The following HELZ variants were observed in gnomAD, a reference collection of about 807,000 sequenced individuals.
HELZ encodes the protein ATP-dependent RNA helicase with zinc finger domain.
HELZ carries 23 observed loss-of-function variants against 218.2 expected under a neutral mutation model. The ratio of observed to expected loss-of-function variants is 0.11; its 90% CI spans 0.08 to 0.15. The LOEUF is 0.15. Among genes scored for constraint, HELZ ranks in the 10% least tolerant of loss-of-function variants. The probability of loss-of-function intolerance (pLI) is 1.00; values close to 1 mark genes in which losing one functional copy is unlikely to be tolerated. For synonymous variants in HELZ, 814 were observed against 829.4 expected (o/e 0.98, Z 0.32); for missense variants, 1,813 against 2,353.7 (o/e 0.77, Z 4.75).
intron 32 of HELZ, among the ~76,000 whole-genome samples, 188 bp downstream of exon 32, chr17:67,086,641 T>TAA (rs1567787963): frequency 1.1e-5 from 1 of 92,686 alleles, no homozygotes; most frequent in Non-Finnish European, 2.4e-5. Flanking sequence ...AATATATATA[T>TAA]ATATATATAT....
rs142375994 is a variant in HELZ, at chr17:67,176,227, G to A, written c.1430+2432C>T. On this transcript the variant is annotated intron_variant, in intron 13 of 32. Transcript: ENST00000358691. ...CATTTTTATACACAAATACATACAC[G>A]TATGTGTATAGGCATCTATAAAAAA... is the stretch of plus-strand genomic sequence containing the variant. 243 of 152,210 alleles carry A rather than the reference G, an allele frequency of 1.6e-3. 1 individual carries two copies. The highest frequency in any genetic ancestry group is 5.6e-3 in the African/African-American group (234 of 41,534). The allele number at this position is 152,210 out of a possible 1,614,324, so 9.4% of individuals were successfully genotyped here.
At chr17:67,128,146 G>A (rs1039743129) in intron 24 of HELZ, among the ~76,000 whole-genome samples, 6 of 152,066 alleles carry the variant, frequency 3.9e-5, no homozygotes, top group Non-Finnish European at 7.4e-5. Flanking sequence ...AAAAATATGT[G>A]TCAAAATCAA....
At chr17:67,203,172 T>C (rs1185973810) in intron 6 of HELZ, 147 bp downstream of exon 6, 1 of 719,154 alleles carries the variant, frequency 1.4e-6, no homozygotes, top group Non-Finnish European at 2.3e-6. Context: ...AAATGGGTAC[T>C]ATATCTCAGG....
chr17:67,115,868 A>C (rs951441943), intron 27 of HELZ, among the ~76,000 whole-genome samples: 3 of 152,132 alleles, frequency 2.0e-5, no homozygotes, highest in African/African-American at 7.2e-5. Context: ...AATATACAGA[A>C]AGAAAAATTA....
At chr17:67,140,218 T>C (rs2038280379) in intron 21 of HELZ, among the ~76,000 whole-genome samples, 1 of 152,122 alleles carries the variant, frequency 6.6e-6, no homozygotes, top group Admixed American at 6.5e-5. Flanking sequence ...ACATACAGCA[T>C]ACACAGAGCT....
upstream of HELZ, chr17:67,245,336 C>T (rs1356268695): frequency 8.3e-6 from 6 of 718,996 alleles, no homozygotes; most frequent in African/African-American, 1.9e-5. Context: ...CCCCGGCGCC[C>T]GCAGCTGGCC....
At chr17:67,117,556 T>TC (rs1415841618) in intron 27 of HELZ, among the ~76,000 whole-genome samples, 8 of 151,748 alleles carry the variant, frequency 5.3e-5, no homozygotes. Context: ...TGAAAACTTT[T>TC]TTTTTTTTTT....
At chr17:67,131,865 C>T (rs536386448) in intron 23 of HELZ, among the ~76,000 whole-genome samples, 1 of 152,158 alleles carries the variant, frequency 6.6e-6, no homozygotes, top group South Asian at 2.1e-4. Context: ...CCTTGAACTC[C>T]CCAATACCTT....
At chr17:67,154,674 A>G (rs759122320) in intron 17 of HELZ, among the ~76,000 whole-genome samples, 21 of 152,206 alleles carry the variant, frequency 1.4e-4, no homozygotes, top group African/African-American at 2.4e-5. Flanking sequence ...ATGTTTTTAA[A>G]TTCTTCGAAC....
chr17:67,119,870 A>T (rs936829195), intron 27 of HELZ: 5 of 377,058 alleles, frequency 1.3e-5, no homozygotes, highest in Non-Finnish European at 5.0e-6. Context: ...GACACCAATC[A>T]TAAGTGGTAG....
In HELZ at chr17:67,073,360, T is replaced by C. The variant is rs2035941888; in HGVS notation, c.*4892A>G. ...CGAACATAATGAAAATTTCATAATATTGTTTAATGAACTCATAGAATTATA... is the reference window on the plus strand; with the variant it reads ...CGAACATAATGAAAATTTCATAATACTGTTTAATGAACTCATAGAATTATA... On this transcript the variant is annotated 3_prime_UTR_variant, in exon 33 of 33. Transcript: ENST00000358691. 1 of 152,640 alleles carries C rather than the reference T, an allele frequency of 6.6e-6. No homozygotes were observed. Among genetic ancestry groups the C allele is most frequent in the South Asian group, 2.1e-4 (1 of 4,830 alleles). 9.5% of individuals were successfully genotyped at this position (152,640 alleles called of 1,614,324 possible). A position where few individuals can be genotyped will look rare whatever the true frequency, so the allele number is the denominator to read the frequency against.
At chr17:67,228,586 C>T (rs977008091) in intron 3 of HELZ, among the ~76,000 whole-genome samples, 6 of 151,206 alleles carry the variant, frequency 4.0e-5, no homozygotes, top group Non-Finnish European at 8.8e-5. Context: ...TGCTTGAACC[C>T]GGGAGGCAGA....
At chr17:67,194,378 T>C (rs1398413766) in intron 8 of HELZ, among the ~76,000 whole-genome samples, 1 of 152,128 alleles carries the variant, frequency 6.6e-6, no homozygotes, top group East Asian at 1.9e-4. Context: ...CATGGGATGT[T>C]TGTCTATCAG....
chr17:67,116,720 G>A (rs1375877634), intron 27 of HELZ, among the ~76,000 whole-genome samples: 1 of 152,052 alleles, frequency 6.6e-6, no homozygotes, highest in Non-Finnish European at 1.5e-5. Context: ...TTAGAAACCT[G>A]AACATTGAAA....
intron 5 of HELZ, among the ~76,000 whole-genome samples, chr17:67,211,319 G>T (rs2143217560): frequency 6.6e-6 from 1 of 152,178 alleles, no homozygotes; most frequent in South Asian, 2.1e-4. Flanking sequence ...AATTATTAGA[G>T]AATTATATCA....
At chr17:67,209,756 A>G (rs2040404736) in intron 5 of HELZ, among the ~76,000 whole-genome samples, 1 of 152,190 alleles carries the variant, frequency 6.6e-6, no homozygotes, top group Admixed American at 6.5e-5. Context: ...TTAATCTCAC[A>G]AAGTCTGTTT....
intron 13 of HELZ, 83 bp downstream of exon 13, chr17:67,178,576 T>C: frequency 8.6e-7 from 1 of 1,161,752 alleles, no homozygotes; most frequent in Non-Finnish European, 1.2e-6. Context: ...CTGTCTTCAC[T>C]TAGGCACACT....
chr17:67,089,629 T>A (rs2036498663), intron 31 of HELZ, among the ~76,000 whole-genome samples: 2 of 125,618 alleles, frequency 1.6e-5, no homozygotes, highest in African/African-American at 2.9e-5. Flanking sequence ...GCTTTTAAAA[T>A]TAGATCTATT....
At chr17:67,217,685 T>C (rs1483576164) in intron 4 of HELZ, among the ~76,000 whole-genome samples, 1 of 152,164 alleles carries the variant, frequency 6.6e-6, no homozygotes, top group Non-Finnish European at 1.5e-5. Flanking sequence ...GCAGGCATGC[T>C]TCTGCTGCTG....
Sources: allele counts gnomAD v4.1 joint callset (sites outside exome capture counted in the v4.1 genomes callset), GRCh38; gene constraint gnomAD v4.1.1; transcripts MANE v1.5; gene names NCBI Gene and HGNC (gene_info 2026-07-23, HGNC 2026-07-21).